The following TMEM248 variants were observed in gnomAD, a reference collection of about 807,000 sequenced individuals.
TMEM248 encodes transmembrane protein 248.
TMEM248 carries 9 observed loss-of-function variants against 30.3 expected under a neutral mutation model. That is an observed-to-expected ratio of 0.30 (90% CI 0.18 to 0.52). The LOEUF (loss-of-function observed/expected upper bound fraction) is 0.52, where lower values mean the gene tolerates loss of function less well. Ranked by LOEUF, TMEM248 falls within the 20% of genes least tolerant of loss-of-function variation. TMEM248 has a pLI of 0.97. For synonymous variants in TMEM248, 184 were observed against 154.4 expected (o/e 1.19, Z -1.42); for missense variants, 338 against 403.3 (o/e 0.84, Z 1.39).
chr7:66,926,117 C>T (rs541598245), intron 1 of TMEM248, among the ~76,000 whole-genome samples: 2 of 152,298 alleles, frequency 1.3e-5, no homozygotes, highest in African/African-American at 4.8e-5. Flanking sequence ...TTAATTTGCA[C>T]TTCTCTAGTG....
rs376096997 is a variant in TMEM248, at chr7:66,953,470, G to A, written c.924+101G>A. On this transcript the variant is annotated intron_variant, in intron 6 of 6. Coordinates refer to ENST00000341567, the MANE Select transcript of TMEM248 (RefSeq NM_017994.5). The stretch of plus-strand genomic sequence containing the variant: ...CTATTTATTGTGGGTGGCACCTTTC[G>A]TCTAAAGAAATGACAGTCATCCCTT... 339 of 1,463,086 alleles carry A rather than the reference G, an allele frequency of 2.3e-4. 2 individuals carry two copies. In the East Asian group the frequency reaches 4.3e-3, roughly 19 times the overall value. The allele number at this position is 1,463,086 out of a possible 1,614,324, so 90.6% of individuals were successfully genotyped here.
chr7:66,937,629 A>G (rs1363043139), intron 1 of TMEM248, among the ~76,000 whole-genome samples: 1 of 152,182 alleles, frequency 6.6e-6, no homozygotes, highest in African/African-American at 2.4e-5. Flanking sequence ...TTGTCTTGAA[A>G]TCTATTTAGT....
At chr7:66,937,336 G>A (rs1327842013) in intron 1 of TMEM248, among the ~76,000 whole-genome samples, 3 of 152,070 alleles carry the variant, frequency 2.0e-5, no homozygotes, top group East Asian at 1.9e-4. Flanking sequence ...GTGGCCTAAC[G>A]TGGTCTATTT....
Position 66,956,726 on chromosome 7 carries a change from C to G in TMEM248, c.*1204C>G, listed in dbSNP as rs1792414434. The G allele has an allele frequency of 6.6e-6, 1 of 151,842 alleles. No individual in the cohort carries two copies. Among genetic ancestry groups the G allele is most frequent in the Admixed American group, 6.6e-5 (1 of 15,210 alleles). 9.4% of individuals were successfully genotyped at this position (151,842 alleles called of 1,614,324 possible). On this transcript the variant is annotated 3_prime_UTR_variant, in exon 7 of 7. Coordinates refer to ENST00000341567, the MANE Select transcript of TMEM248 (RefSeq NM_017994.5). The stretch of plus-strand genomic sequence containing the variant: ...GGGGGGAGGCAGGGTCTTGCTCTGT[C>G]CCTCAGGCTGGAGCTTAGCTCAGTG...
intron 1 of TMEM248, among the ~76,000 whole-genome samples, chr7:66,936,601 G>C (rs991667585): frequency 2.6e-5 from 4 of 151,852 alleles, no homozygotes; most frequent in African/African-American, 9.7e-5. Flanking sequence ...CTCTTCTTCT[G>C]CTTTTTGAGA....
At chr7:66,954,623 C>T (rs1258211688) in intron 6 of TMEM248, among the ~76,000 whole-genome samples, 1 of 151,986 alleles carries the variant, frequency 6.6e-6, no homozygotes, top group African/African-American at 2.4e-5. Flanking sequence ...TCTTGAATTC[C>T]TGGGCTCAAG....
At chr7:66,927,041 G>C (rs1392972556) in intron 1 of TMEM248, among the ~76,000 whole-genome samples, 2 of 152,078 alleles carry the variant, frequency 1.3e-5, no homozygotes, top group African/African-American at 2.4e-5. Flanking sequence ...CTCATGACTT[G>C]TTTTCTTAAA....
At chr7:66,930,810 C>T (rs1242104044) in intron 1 of TMEM248, 2 of 152,560 alleles carry the variant, frequency 1.3e-5, no homozygotes, top group African/African-American at 4.8e-5. Flanking sequence ...CCTTAAAGCT[C>T]TTTGAGGGTC....
intron 1 of TMEM248, chr7:66,930,503 A>G (rs375633839): frequency 6.6e-6 from 1 of 152,208 alleles, no homozygotes; most frequent in Non-Finnish European, 1.5e-5. Context: ...TGCTGCAGCA[A>G]CATGAGTTAG....
At chr7:66,934,537 T>C (rs1791752094) in intron 1 of TMEM248, among the ~76,000 whole-genome samples, 1 of 152,202 alleles carries the variant, frequency 6.6e-6, no homozygotes, top group Non-Finnish European at 1.5e-5. Context: ...AATTGTCCTG[T>C]GCTGGAAGTT....
At chr7:66,927,677 G>A (rs909276339) in intron 1 of TMEM248, among the ~76,000 whole-genome samples, 12 of 148,708 alleles carry the variant, frequency 8.1e-5, no homozygotes, top group Admixed American at 2.0e-4. Context: ...GGCTGGTCTC[G>A]AACTCCTGTG....
chr7:66,924,933 ACTC>A lies in TMEM248; in HGVS notation c.-19+3475_-19+3477del, dbSNP rs553582524. 4.5e-3 allele frequency among the ~76,000 whole-genome samples: 652 copies of A among 145,262 alleles called. 7 individuals carry two copies. The highest frequency in any genetic ancestry group is 0.015 in the African/African-American group (562 of 38,740). On this transcript the variant is annotated intron_variant, in intron 1 of 6. Coordinates refer to ENST00000341567, the MANE Select transcript of TMEM248 (RefSeq NM_017994.5). Reference sequence around the variant, plus strand: ...GCCATGTTGGTCAGGCTGGTTTTGAACTCCTGACCTCGTGATCCGCCCGCCTTG... The same window carrying A: ...GCCATGTTGGTCAGGCTGGTTTTGAACTGACCTCGTGATCCGCCCGCCTTG...
At chr7:66,952,926 G>A (rs1000976118) in intron 5 of TMEM248, among the ~76,000 whole-genome samples, 1 of 152,158 alleles carries the variant, frequency 6.6e-6, no homozygotes, top group Non-Finnish European at 1.5e-5. Flanking sequence ...GCATTTGCAG[G>A]GGAGGAAGCC....
chr7:66,937,773 C>T (rs374952285), intron 1 of TMEM248, among the ~76,000 whole-genome samples: 15 of 152,012 alleles, frequency 9.9e-5, no homozygotes, highest in Admixed American at 1.3e-4. Context: ...TGCAATGGCG[C>T]GACCTTGGCT....
At chr7:66,952,697 G>A (rs79754846) in intron 5 of TMEM248, among the ~76,000 whole-genome samples, 1,873 of 152,290 alleles carry the variant, frequency 0.012, 34 homozygotes, top group African/African-American at 0.042. Context: ...AGTGAATCAC[G>A]GATGATCTCA....
intron 4 of TMEM248, among the ~76,000 whole-genome samples, chr7:66,948,977 G>A (rs1490585691): frequency 3.3e-5 from 5 of 152,018 alleles, no homozygotes; most frequent in South Asian, 2.1e-4. Context: ...TGTCTTTCCC[G>A]CAGGAGTAGA....
intron 1 of TMEM248, among the ~76,000 whole-genome samples, chr7:66,931,297 C>CAAAA (rs758131446): frequency 4.5e-4 from 29 of 64,352 alleles, no homozygotes; most frequent in Non-Finnish European, 6.2e-4. Flanking sequence ...GACAATATCT[C>CAAAA]AAAAAAAAAA....
At chr7:66,948,467 T>G in intron 3 of TMEM248, 77 bp from the exon 4 acceptor site, 1 of 1,522,358 alleles carries the variant, frequency 6.6e-7, no homozygotes, top group Non-Finnish European at 8.9e-7. Flanking sequence ...GGGTTTGATT[T>G]CAGGATTTAT....
chr7:66,933,900 C>G (rs908014908), intron 1 of TMEM248, among the ~76,000 whole-genome samples: 8 of 151,914 alleles, frequency 5.3e-5, no homozygotes, highest in African/African-American at 1.9e-4. Flanking sequence ...CCAGGATGCC[C>G]TAATTGGAGT....
Sources: gnomAD v4.1 joint callset for allele counts (sites outside exome capture counted in the v4.1 genomes callset) on GRCh38, gnomAD v4.1.1 for gene constraint, MANE v1.5 for transcripts, NCBI Gene and HGNC (gene_info 2026-07-23, HGNC 2026-07-21) for gene names.